ASMTL: variants seen among roughly 807,000 people sequenced by gnomAD.
The protein encoded by ASMTL is acetylserotonin O-methyltransferase like.
ASMTL carries 57 observed loss-of-function variants against 60.3 expected under a neutral mutation model. The ratio of observed to expected loss-of-function variants is 0.95; its 90% CI spans 0.76 to 1.18. The LOEUF (loss-of-function observed/expected upper bound fraction) is 1.18. ASMTL is among the 50% of genes most tolerant of loss of function. The pLI is 0.00. For missense variants in ASMTL, 981 were observed against 852.6 expected, an observed-to-expected ratio of 1.15 and a Z score of -1.88; for synonymous variants, 419 against 373.0, an observed-to-expected ratio of 1.12 and a Z score of -1.42.
intron 1 of ASMTL, among the ~76,000 whole-genome samples, chrX:1,451,319 T>C (rs1373288816): frequency 7.8e-6 from 1 of 128,168 alleles, no homozygotes. Context: ...TCCCCATCCC[T>C]AGGTGGTCCT....
intron 11 of ASMTL, among the ~76,000 whole-genome samples, chrX:1,417,270 A>C (rs1298412637): frequency 6.7e-6 from 1 of 150,190 alleles, no homozygotes. Context: ...ACCAGCACAC[A>C]GCATACACAC....
intron 11 of ASMTL, among the ~76,000 whole-genome samples, chrX:1,414,808 T>C (rs1213693084): frequency 6.6e-6 from 1 of 152,200 alleles, no homozygotes; most frequent in Non-Finnish European, 1.5e-5. Context: ...TGGTTGCGTT[T>C]TGTTTTTTTA....
intron 1 of ASMTL, among the ~76,000 whole-genome samples, chrX:1,449,276 C>G (rs779937925): frequency 2.0e-5 from 3 of 152,130 alleles, no homozygotes; most frequent in African/African-American, 4.8e-5. Flanking sequence ...TTCTACACTC[C>G]TCAGCGCTCC....
At chrX:1,434,757 T>G (rs1296219502) in intron 5 of ASMTL, among the ~76,000 whole-genome samples, 11 of 146,378 alleles carry the variant, frequency 7.5e-5, no homozygotes, top group African/African-American at 2.8e-4. Context: ...ATCGTGCCAC[T>G]GCCCTCCAGC....
rs1275912318 is a variant in ASMTL, at chrX:1,444,997, T to TTC, written c.94-2682_94-2681dup. On this transcript the variant is annotated intron_variant, in intron 1 of 12. Coordinates refer to ENST00000381317, the MANE Select transcript of ASMTL (RefSeq NM_004192.4). ...CTCTCTTCGTCCGTCTTCTTCCCTCTTCTCTCTCTCTCTCTGTCTTCCCTG... is the reference window on the plus strand; with the variant it reads ...CTCTCTTCGTCCGTCTTCTTCCCTCTTCTCTCTCTCTCTCTCTGTCTTCCCTG... Among the ~76,000 whole-genome samples the TTC allele has an allele frequency of 1.9e-4, 28 of 150,684 alleles. No individual in the cohort carries two copies. The South Asian group carries it at 4.8e-3, about 26-fold the overall frequency.
intron 11 of ASMTL, among the ~76,000 whole-genome samples, chrX:1,416,576 C>G (rs1468893926): frequency 2.0e-5 from 3 of 148,546 alleles, no homozygotes; most frequent in Non-Finnish European, 3.0e-5. Context: ...CACACAGACG[C>G]AGACACACAG....
At chrX:1,450,693 C>T (rs1428577725) in intron 1 of ASMTL, among the ~76,000 whole-genome samples, 3 of 108,848 alleles carry the variant, frequency 2.8e-5, no homozygotes, top group African/African-American at 3.7e-5. Flanking sequence ...TAGGGGGTTC[C>T]GGGTCACACT....
intron 3 of ASMTL, 106 bp downstream of exon 3, chrX:1,438,991 C>A (rs2091042377): frequency 8.1e-7 from 1 of 1,232,658 alleles, no homozygotes; most frequent in South Asian, 1.2e-5. Flanking sequence ...GGAAGCGAGT[C>A]CACTGCTGTC....
chrX:1,429,079 G>C (rs1410283044), intron 6 of ASMTL, among the ~76,000 whole-genome samples: 1 of 151,602 alleles, frequency 6.6e-6, no homozygotes, highest in Non-Finnish European at 1.5e-5. Context: ...GTATTTAGTA[G>C]AGACGGGGTT....
At chrX:1,414,900 C>T (rs1455473019) in intron 11 of ASMTL, among the ~76,000 whole-genome samples, 2 of 152,084 alleles carry the variant, frequency 1.3e-5, no homozygotes, top group South Asian at 2.1e-4. Context: ...TGGCCGCTGT[C>T]GGATGGTGCT....
chrX:1,405,374 G>A (rs771803971), intron 12 of ASMTL, among the ~76,000 whole-genome samples: 1 of 148,558 alleles, frequency 6.7e-6, no homozygotes, highest in South Asian at 2.1e-4. Flanking sequence ...ATGGATGGAT[G>A]GGTGAATAGG....
At chrX:1,417,487 GACAC>G (rs759663398) in intron 11 of ASMTL, among the ~76,000 whole-genome samples, 58 of 145,154 alleles carry the variant, frequency 4.0e-4, no homozygotes, top group Middle Eastern at 4.1e-3. Flanking sequence ...ATGCACGGAA[GACAC>G]ACACCATGCA....
intron 11 of ASMTL, among the ~76,000 whole-genome samples, chrX:1,417,700 G>A (rs1315351255): frequency 1.3e-5 from 2 of 149,234 alleles, no homozygotes; most frequent in Non-Finnish European, 3.0e-5. Flanking sequence ...CACCAGAGAC[G>A]TGCACACACA....
At chrX:1,444,732 G>C (rs2091197799) in intron 1 of ASMTL, among the ~76,000 whole-genome samples, 1 of 151,998 alleles carries the variant, frequency 6.6e-6, no homozygotes, top group South Asian at 2.1e-4. Flanking sequence ...TTGCAACCCA[G>C]GAAGCTGTGG....
At chrX:1,439,275 G>A (rs1328776115) in intron 2 of ASMTL, 131 bp from the exon 3 acceptor site, 3 of 847,652 alleles carry the variant, frequency 3.5e-6, no homozygotes, top group African/African-American at 1.7e-5. Context: ...GAAGGCTGGG[G>A]GTGCTCAAGG....
chrX:1,421,830 G>C lies in ASMTL; in HGVS notation c.1073C>G (p.Thr358Arg), dbSNP rs1156831835. The change falls in exon 9 of 13, where the codon ACA (threonine) becomes AGA (arginine). Residue 358 changes from threonine to arginine, a missense_variant. By Grantham distance (71) the Thr-to-Arg change is moderately conservative. Coordinates refer to ENST00000381317, the MANE Select transcript of ASMTL (RefSeq NM_004192.4). ...LEKTEQGYSN[T>R]ETANVYLASD... is the part of the protein sequence containing the mutation. ...TGCCAGGTAGACGTTCGCTGTCTCT[G>C]TGTTACTGTAACCTGGAGAAATGGG... 1 of 1,613,854 alleles carries C rather than the reference G, an allele frequency of 6.2e-7. No individual in the cohort carries two copies. Among genetic ancestry groups the C allele is most frequent in the East Asian group, 2.2e-5 (1 of 44,884 alleles).
At chrX:1,416,095 A>G (rs1472687115) in intron 11 of ASMTL, among the ~76,000 whole-genome samples, 8 of 151,048 alleles carry the variant, frequency 5.3e-5, no homozygotes, top group African/African-American at 1.7e-4. Context: ...TCACGCACGG[A>G]CACACAGTGA....
chrX:1,404,888 G>T (rs1306488023), intron 12 of ASMTL, among the ~76,000 whole-genome samples: 8 of 151,486 alleles, frequency 5.3e-5, no homozygotes, highest in Non-Finnish European at 7.4e-5. Context: ...TGGATGGTTG[G>T]GTGAATAGAT....
Position 1,427,897 on chromosome X carries a change from C to G in ASMTL, c.734G>C (p.Gly245Ala). 6.2e-7 allele frequency: 1 copy of G among 1,613,224 alleles called. No homozygotes were observed. The highest frequency in any genetic ancestry group is 1.1e-5 in the South Asian group (1 of 91,064). The part of the protein sequence containing the change: ...FEDLSDVEGG[G>A]SEPTQRDAGS... The stretch of plus-strand genomic sequence containing the variant: ...CGCGTCCCTCTGAGTGGGCTCCGAG[C>G]CGCCCCCCTCCACGTCACTGAGGTC... Residue 245 changes from glycine to alanine, a missense_variant, in exon 7 of 13, where the codon GGC (glycine) becomes GCC (alanine). Coordinates refer to ENST00000381317, the MANE Select transcript of ASMTL (RefSeq NM_004192.4).
Sources: allele counts gnomAD v4.1 joint callset (sites outside exome capture counted in the v4.1 genomes callset), GRCh38; gene constraint gnomAD v4.1.1; transcripts MANE v1.5; gene names NCBI Gene and HGNC (gene_info 2026-07-23, HGNC 2026-07-21).